PCDHGB3: variants seen among roughly 807,000 people sequenced by gnomAD.
PCDHGB3 encodes the protein protocadherin gamma-B3.
Under a neutral mutation model 59.2 loss-of-function variants are expected in PCDHGB3, and 40 were observed. The observed-to-expected ratio is 0.68, with a 90% CI of 0.52 to 0.88. PCDHGB3 has a LOEUF of 0.88. Ranked by LOEUF, PCDHGB3 falls within the 40% of genes least tolerant of loss-of-function variation. PCDHGB3 has a pLI of 0.00. For missense variants in PCDHGB3, 1,309 were observed against 1,187.9 expected (o/e 1.10, Z -1.50); for synonymous variants, 581 against 503.6 (o/e 1.15, Z -2.06).
chr5:141,374,827 T>G, intron 1 of PCDHGB3: 1 of 1,613,964 alleles, frequency 6.2e-7, no homozygotes, highest in Non-Finnish European at 8.5e-7. Flanking sequence ...CTGTCTACCG[T>G]GTAAGTGTTC....
Position 141,485,418 on chromosome 5 carries a change from G to A in PCDHGB3, c.2416-9389G>A. ...CACTTCCGTGTGGATTTGGACAGCG[G>A]AGCCCTGCTCATCAAGAACCCAATC... On this transcript the variant is annotated intron_variant, in intron 1 of 3. Transcript: ENST00000576222. This position sits in a 1 kb window ranked among gnomAD's most constrained non-coding sequence, Gnocchi z 5.7. 6.2e-7 allele frequency: 1 copy of A among 1,614,174 alleles called. No homozygotes were observed. The highest frequency in any genetic ancestry group is 8.5e-7 in the Non-Finnish European group (1 of 1,180,042).
chr5:141,433,361 A>ATCTATCTATCTC, intron 1 of PCDHGB3: 1 of 297,578 alleles, frequency 3.4e-6, no homozygotes, highest in Non-Finnish European at 6.3e-6. Context: ...CTGTCTGCCT[A>ATCTATCTATCTC]TCTATCTATC....
chr5:141,376,504 T>C, intron 1 of PCDHGB3: 1 of 1,614,034 alleles, frequency 6.2e-7, no homozygotes, highest in African/African-American at 1.3e-5. Context: ...CCAGGCAACT[T>C]CAGGTGAGTT....
chr5:141,490,132 A>G lies in PCDHGB3; in HGVS notation c.2416-4675A>G, dbSNP rs1245562757. The G allele has an allele frequency of 3.7e-6, 6 of 1,614,102 alleles. No homozygotes were observed. In the African/African-American group the frequency reaches 4.0e-5, roughly 11 times the overall value. ...GCGGAACCTCTTTGGCCTAGACCCTAGCAGTGGGGCAATCCATGTGTTGGG... is the reference window on the plus strand; with the variant it reads ...GCGGAACCTCTTTGGCCTAGACCCTGGCAGTGGGGCAATCCATGTGTTGGG... On this transcript the variant is annotated intron_variant, in intron 1 of 3. Coordinates refer to ENST00000576222, the MANE Select transcript of PCDHGB3 (RefSeq NM_018924.5). The surrounding 1 kb of genome is among the most constrained non-coding windows in gnomAD (Gnocchi z 5.4).
Position 141,404,690 on chromosome 5 carries a change from C to T in PCDHGB3, c.2415+31881C>T, listed in dbSNP as rs199517824. The T allele has an allele frequency of 1.9e-4, 304 of 1,613,808 alleles. 1 individual carries two copies. Among genetic ancestry groups the T allele is most frequent in the Non-Finnish European group, 2.1e-4 (250 of 1,179,844 alleles). On this transcript the variant is annotated intron_variant, in intron 1 of 3. Coordinates refer to ENST00000576222, the MANE Select transcript of PCDHGB3 (RefSeq NM_018924.5). ...TTCTACTGGTGTGGAGCTGGCACCC[C>T]GCTCTGCAGAGCCTGGCTACCTGGT...
At chr5:141,399,196 G>A (rs201540226) in intron 1 of PCDHGB3, 2 of 1,613,938 alleles carry the variant, frequency 1.2e-6, no homozygotes, top group Non-Finnish European at 1.7e-6. Flanking sequence ...GGAAAACGCG[G>A]TGCCTGGAAC....
rs553587727 is a variant in PCDHGB3, at chr5:141,419,523, G to A, written c.2415+46714G>A. The A allele has an allele frequency of 2.1e-4, 343 of 1,612,204 alleles. 3 individuals are homozygous for A. The South Asian group carries it at 3.5e-3, about 17-fold the overall frequency. ...AGCCTGCGCGTGTTGGTGGGCGACC[G>A]TAACGACAACGCACCGCGGGTGCTG... On this transcript the variant is annotated intron_variant, in intron 1 of 3. Coordinates refer to ENST00000576222, the MANE Select transcript of PCDHGB3 (RefSeq NM_018924.5).
chr5:141,478,520 G>A, intron 1 of PCDHGB3: 1 of 1,610,510 alleles, frequency 6.2e-7, no homozygotes, highest in Non-Finnish European at 8.5e-7. Context: ...GCAGGTGTTG[G>A]GTGCAGAGAG....
chr5:141,473,382 C>T (rs780229708), intron 1 of PCDHGB3, among the ~76,000 whole-genome samples: 3 of 152,190 alleles, frequency 2.0e-5, no homozygotes, highest in Non-Finnish European at 4.4e-5. Context: ...TGGTCCCTGC[C>T]CTCCTGGAGC....
intron 1 of PCDHGB3, chr5:141,384,749 T>C (rs781370362): frequency 5.0e-6 from 8 of 1,613,822 alleles, no homozygotes; most frequent in Non-Finnish European, 4.2e-6. Flanking sequence ...CCAGGACTCT[T>C]TGCGGTTGGG....
chr5:141,421,031 T>A, intron 1 of PCDHGB3: 1 of 529,760 alleles, frequency 1.9e-6, no homozygotes, highest in Non-Finnish European at 3.3e-6. Context: ...CGCCATTGAG[T>A]CCCTCCCTCC....
intron 1 of PCDHGB3, chr5:141,423,087 G>C (rs756067751): frequency 1.2e-6 from 2 of 1,613,936 alleles, no homozygotes; most frequent in African/African-American, 1.3e-5. Context: ...TCTTCGCGGT[G>C]GGGGAGCACA....
chr5:141,470,911 G>A (rs1208467445), intron 1 of PCDHGB3, among the ~76,000 whole-genome samples: 1 of 151,916 alleles, frequency 6.6e-6, no homozygotes, highest in Non-Finnish European at 1.5e-5. Context: ...AGATGGGACT[G>A]TCCCTATGTT....
At position 141,431,556 on chromosome 5, in the gene PCDHGB3, C is replaced by G. The variant is rs1561853752; in HGVS notation, c.2415+58747C>G. ...GGCACGCAGCTGCTTGTAGTCAACGCTACCGACCCTGACGAAGGAGTCAAT... is the reference window on the plus strand; with the variant it reads ...GGCACGCAGCTGCTTGTAGTCAACGGTACCGACCCTGACGAAGGAGTCAAT... On this transcript the variant is annotated intron_variant, in intron 1 of 3. Transcript: ENST00000576222. The surrounding 1 kb of genome is among the most constrained non-coding windows in gnomAD (Gnocchi z 4.8). 3 of 1,614,138 alleles carry G rather than the reference C, an allele frequency of 1.9e-6. No individual in the cohort carries two copies. The highest frequency in any genetic ancestry group is 2.5e-6 in the Non-Finnish European group (3 of 1,180,022).
intron 1 of PCDHGB3, chr5:141,383,450 G>T: frequency 6.2e-7 from 1 of 1,613,960 alleles, no homozygotes; most frequent in South Asian, 1.1e-5. Flanking sequence ...GCTGTGCAAA[G>T]TGGAGACGAT....
At chr5:141,478,333 G>C in intron 1 of PCDHGB3, 5 of 1,613,928 alleles carry the variant, frequency 3.1e-6, no homozygotes, top group Non-Finnish European at 4.2e-6. Flanking sequence ...GAACACCAGG[G>C]CCCTCCTTGC....
At chr5:141,423,001 G>A in intron 1 of PCDHGB3, 2 of 1,614,230 alleles carry the variant, frequency 1.2e-6, no homozygotes, top group Non-Finnish European at 1.7e-6. Flanking sequence ...GGTGACCAAG[G>A]TGGTTGCGGT....
rs777058727 is a variant in PCDHGB3 at position 141,431,947 on chromosome 5, A to G, written c.2415+59138A>G. 6 of 1,614,052 alleles carry G rather than the reference A, an allele frequency of 3.7e-6. No homozygotes were observed. The highest frequency in any genetic ancestry group is 2.2e-5 in the East Asian group (1 of 44,894). ...GAAATCTGCCCTTTAAATTAGAAAAATCTTACGGAAATTACTATAGTTTAG... is the reference window on the plus strand; with the variant it reads ...GAAATCTGCCCTTTAAATTAGAAAAGTCTTACGGAAATTACTATAGTTTAG... On this transcript the variant is annotated intron_variant, in intron 1 of 3. Transcript: ENST00000576222. This position sits in a 1 kb window ranked among gnomAD's most constrained non-coding sequence, Gnocchi z 4.8.
chr5:141,413,962 AC>A, intron 1 of PCDHGB3: 1 of 1,613,404 alleles, frequency 6.2e-7, no homozygotes, highest in Non-Finnish European at 8.5e-7. Context: ...GCCTGTGGGC[AC>A]TCAGCTGCTG....
Sources: gnomAD v4.1 joint callset for allele counts (sites outside exome capture counted in the v4.1 genomes callset) on GRCh38, gnomAD v4.1.1 for gene constraint, Gnocchi (gnomAD v3.1) non-coding constraint, MANE v1.5 for transcripts, NCBI Gene and HGNC (gene_info 2026-07-23, HGNC 2026-07-21) for gene names.